The following RGP1 variants were observed in gnomAD, a reference collection of about 807,000 sequenced individuals.
RGP1 encodes RAB6A-GEF complex partner protein 2.
In RGP1, 28 loss-of-function variants were observed where a neutral mutation model predicts 44.5. The observed-to-expected ratio is 0.63, with a 90% CI of 0.47 to 0.86. The LOEUF is 0.86. RGP1 is among the 40% of genes least tolerant of loss of function. RGP1 has a pLI of 0.00. For missense variants in RGP1, 417 were observed against 490.7 expected (o/e 0.85, Z 1.42); for synonymous variants, 212 against 196.7 (o/e 1.08, Z -0.65).
chr9:35,780,131 G>C, the RGP1 span: 1 of 152,216 alleles, frequency 6.6e-6, no homozygotes. Flanking sequence ...TAAAAAGAGA[G>C]TTGTTCTTTT....
the RGP1 span, among the ~76,000 whole-genome samples, chr9:35,765,835 CT>C: frequency 2.8e-3 from 386 of 138,552 alleles, no homozygotes; most frequent in Admixed American, 3.7e-3. Flanking sequence ...TTCTTTCTTT[CT>C]TTTTTTTTTT....
rs753919612 is a variant in RGP1 at position 35,753,696 on chromosome 9, G to T, written c.*822G>T. On this transcript the variant is annotated 3_prime_UTR_variant, in exon 9 of 9. Coordinates refer to ENST00000378078, the MANE Select transcript of RGP1 (RefSeq NM_001080496.3). This position sits in a 1 kb window ranked among gnomAD's most constrained non-coding sequence, Gnocchi z 4.2. ...GCCCACGCCAACAGGATGCAGACAG[G>T]TGCAATGGAAACAGTCCTTGCGGAG... The T allele has an allele frequency of 1.2e-6, 2 of 1,614,002 alleles. No homozygotes were observed. The highest frequency in any genetic ancestry group is 8.5e-7 in the Non-Finnish European group (1 of 1,180,018).
the RGP1 span, among the ~76,000 whole-genome samples, chr9:35,776,863 C>T: frequency 3.3e-5 from 5 of 151,312 alleles, no homozygotes; most frequent in South Asian, 2.1e-4. Flanking sequence ...GACGTGGTGG[C>T]GGGCGACTGT....
chr9:35,783,407 ACTGGAACTTACTCCTC>A, the RGP1 span, among the ~76,000 whole-genome samples: 1 of 152,130 alleles, frequency 6.6e-6, no homozygotes, highest in African/African-American at 2.4e-5. Flanking sequence ...GCAAGGGAAC[ACTGGAACTTACTCCTC>A]CTGTCTATCT....
At chr9:35,789,329 CTTT>C in the RGP1 span, among the ~76,000 whole-genome samples, 1 of 137,682 alleles carries the variant, frequency 7.3e-6, no homozygotes, top group Non-Finnish European at 1.6e-5. Context: ...CTTCCACTTC[CTTT>C]TTTTTTTTTT....
At chr9:35,776,985 ACT>A in the RGP1 span, among the ~76,000 whole-genome samples, 1 of 132,328 alleles carries the variant, frequency 7.6e-6, no homozygotes, top group African/African-American at 2.8e-5. Flanking sequence ...ACAGAGTGAG[ACT>A]CTGTCTCAAA....
In RGP1 at chr9:35,753,665, A is replaced by G. The variant is rs775475769; in HGVS notation, c.*791A>G. 6.2e-7 allele frequency: 1 copy of G among 1,613,608 alleles called. No homozygotes were observed. Among genetic ancestry groups the G allele is most frequent in the East Asian group, 2.2e-5 (1 of 44,888 alleles). Reference sequence around the variant, plus strand: ...GGCCATCTTTGGTCACTCACGTGTCACAGCAGCCCACGCCAACAGGATGCA... The same window carrying G: ...GGCCATCTTTGGTCACTCACGTGTCGCAGCAGCCCACGCCAACAGGATGCA... On this transcript the variant is annotated 3_prime_UTR_variant, in exon 9 of 9. Transcript: ENST00000378078. This position sits in a 1 kb window ranked among gnomAD's most constrained non-coding sequence, Gnocchi z 4.2.
In RGP1 at chr9:35,754,007, T is replaced by C. The variant is rs375137456; in HGVS notation, c.*1133T>C. The C allele has an allele frequency of 6.2e-7, 1 of 1,613,088 alleles. No individual in the cohort carries two copies. The highest frequency in any genetic ancestry group is 1.3e-5 in the African/African-American group (1 of 74,882). ...CGCTTCACCCCACTTTACCTTGAGC[T>C]TGGAAGTAGCACTTGCTGTAGACTC... On this transcript the variant is annotated 3_prime_UTR_variant, in exon 9 of 9. Coordinates refer to ENST00000378078, the MANE Select transcript of RGP1 (RefSeq NM_001080496.3).
At chr9:35,784,435 A>G in the RGP1 span, among the ~76,000 whole-genome samples, 1 of 152,098 alleles carries the variant, frequency 6.6e-6, no homozygotes, top group Non-Finnish European at 1.5e-5. Context: ...TTCGTAAGTG[A>G]TGAGAGATAG....
chr9:35,753,029 G>A lies in RGP1; in HGVS notation c.*155G>A, dbSNP rs1027271436. Reference sequence around the variant, plus strand: ...TTAATTTATTTGTTCAGAATACATTGGCAGCTGCTAGTGGTTTCCCTGGAA... The same window carrying A: ...TTAATTTATTTGTTCAGAATACATTAGCAGCTGCTAGTGGTTTCCCTGGAA... On this transcript the variant is annotated 3_prime_UTR_variant, in exon 9 of 9. Coordinates refer to ENST00000378078, the MANE Select transcript of RGP1 (RefSeq NM_001080496.3). The surrounding 1 kb of genome is among the most constrained non-coding windows in gnomAD (Gnocchi z 4.2). 6 of 1,566,492 alleles carry A rather than the reference G, an allele frequency of 3.8e-6. No individual in the cohort carries two copies. Among genetic ancestry groups the A allele is most frequent in the Non-Finnish European group, 5.2e-6 (6 of 1,143,728 alleles).
intron 6 of RGP1, 98 bp from the exon 7 acceptor site, chr9:35,751,529 A>T: frequency 6.3e-7 from 1 of 1,598,930 alleles, no homozygotes; most frequent in South Asian, 1.1e-5. Context: ...TGACACCTCC[A>T]ATTTTAAAGA....
the RGP1 span, among the ~76,000 whole-genome samples, chr9:35,763,860 C>G: frequency 9.1e-6 from 1 of 110,312 alleles, no homozygotes. Context: ...CCAGTTTGGG[C>G]AACAGAGTGA....
the RGP1 span, among the ~76,000 whole-genome samples, chr9:35,784,663 GGCTGGTCTCTTGGCCAA>G: frequency 6.6e-6 from 1 of 152,074 alleles, no homozygotes; most frequent in Non-Finnish European, 1.5e-5. Context: ...ATATTGGCCA[GGCTGGTCTCTTGGCCAA>G]GCTGGTCTTG....
chr9:35,772,617 C>A, the RGP1 span, among the ~76,000 whole-genome samples: 14 of 152,000 alleles, frequency 9.2e-5, no homozygotes, highest in Middle Eastern at 6.8e-3. Context: ...CACGGTGAAA[C>A]CCCATCTCCT....
At chr9:35,766,198 T>C in the RGP1 span, among the ~76,000 whole-genome samples, 964 of 151,776 alleles carry the variant, frequency 6.4e-3, 11 homozygotes, top group African/African-American at 0.022. Flanking sequence ...TGCTGCCTCA[T>C]TGTGGTTTTA....
At chr9:35,761,141 G>A (rs2132042984), downstream of RGP1, among the ~76,000 whole-genome samples, 1 of 152,352 alleles carries the variant, frequency 6.6e-6, no homozygotes, top group East Asian at 1.9e-4. Flanking sequence ...TCATTTTGGT[G>A]ATAATTGAAT....
chr9:35,784,303 A>G, the RGP1 span, among the ~76,000 whole-genome samples: 2 of 151,678 alleles, frequency 1.3e-5, no homozygotes, highest in African/African-American at 4.8e-5. Flanking sequence ...CTGTTTGTCT[A>G]TTTTTGCTTT....
the RGP1 span, among the ~76,000 whole-genome samples, chr9:35,783,931 G>A: frequency 6.6e-5 from 10 of 152,070 alleles, no homozygotes; most frequent in South Asian, 2.1e-4. Flanking sequence ...TCCTTTCTCC[G>A]CATCCTCATG....
chr9:35,785,691 G>C, the RGP1 span, among the ~76,000 whole-genome samples: 1 of 152,162 alleles, frequency 6.6e-6, no homozygotes, highest in African/African-American at 2.4e-5. Context: ...CCCAGGGTCA[G>C]CATCCACTTT....
Sources: gnomAD v4.1 joint callset for allele counts (sites outside exome capture counted in the v4.1 genomes callset) on GRCh38, gnomAD v4.1.1 for gene constraint, Gnocchi (gnomAD v3.1) non-coding constraint, MANE v1.5 for transcripts, NCBI Gene and HGNC (gene_info 2026-07-23, HGNC 2026-07-21) for gene names.